MAD1L1: variants seen among roughly 807,000 people sequenced by gnomAD.
MAD1L1 encodes mitotic arrest deficient 1 like 1.
MAD1L1 carries 95 observed loss-of-function variants against 96.9 expected under a neutral mutation model. The ratio of observed to expected loss-of-function variants is 0.98; its 90% CI spans 0.83 to 1.16. MAD1L1 has a LOEUF of 1.16. MAD1L1 is among the 50% of genes most tolerant of loss of function. The probability of loss-of-function intolerance (pLI) is 0.00; values close to 1 mark genes in which losing one functional copy is unlikely to be tolerated. For missense variants in MAD1L1, 1,007 were observed against 954.4 expected (o/e 1.06, Z -0.73); for synonymous variants, 473 against 396.6 (o/e 1.19, Z -2.29).
intron 16 of MAD1L1, among the ~76,000 whole-genome samples, chr7:1,943,567 A>G (rs1401766370): frequency 6.6e-6 from 1 of 152,230 alleles, no homozygotes; most frequent in African/African-American, 2.4e-5. Context: ...AATCACAGCC[A>G]GGTATCACTT....
At chr7:1,949,568 C>T (rs999883638) in intron 16 of MAD1L1, among the ~76,000 whole-genome samples, 2 of 152,184 alleles carry the variant, frequency 1.3e-5, no homozygotes, top group African/African-American at 2.4e-5. Flanking sequence ...GTGGAGGCGG[C>T]GGGGAGGGGC....
In MAD1L1 at chr7:2,216,026, A is replaced by C; in HGVS notation, c.810-27T>G. The C allele has an allele frequency of 6.2e-7, 1 of 1,613,120 alleles. No individual in the cohort carries two copies. The highest frequency in any genetic ancestry group is 8.5e-7 in the Non-Finnish European group (1 of 1,179,312). ...TGGCAGTGCCACAAAGAGTCGCTCA[A>C]ATAGCCACACACCCTAGGGATAAGG... On this transcript the variant is annotated intron_variant, in intron 8 of 18. Coordinates refer to ENST00000265854, the MANE Select transcript of MAD1L1 (RefSeq NM_001013836.2).
intron 14 of MAD1L1, among the ~76,000 whole-genome samples, chr7:2,000,224 T>C (rs1243677363): frequency 6.6e-6 from 1 of 151,554 alleles, no homozygotes; most frequent in Admixed American, 6.6e-5. Context: ...GCCCTCACGC[T>C]CTCTACCTCA....
intron 16 of MAD1L1, among the ~76,000 whole-genome samples, chr7:1,945,531 C>T (rs571004177): frequency 3.9e-5 from 6 of 152,196 alleles, no homozygotes; most frequent in Non-Finnish European, 8.8e-5. Context: ...ACAGCCGCAA[C>T]CCAGGAGAAG....
At chr7:2,207,398 T>A (rs1330202609) in intron 10 of MAD1L1, among the ~76,000 whole-genome samples, 1 of 152,076 alleles carries the variant, frequency 6.6e-6, no homozygotes, top group East Asian at 1.9e-4. Flanking sequence ...GATTAGAGGG[T>A]TGGGACTTTG....
chr7:1,977,405 C>T (rs940679268), intron 15 of MAD1L1, among the ~76,000 whole-genome samples: 14 of 152,218 alleles, frequency 9.2e-5, no homozygotes, highest in Non-Finnish European at 1.8e-4. Flanking sequence ...GCCAGCTGCT[C>T]GGAGTGTGGG....
At position 1,963,420 on chromosome 7, in the gene MAD1L1, G is replaced by A. The variant is rs371300707; in HGVS notation, c.1506-5701C>T. On this transcript the variant is annotated intron_variant, in intron 15 of 18. Transcript: ENST00000265854. Reference sequence around the variant, plus strand: ...GAAAGCACGTCGGCGGGTTTGGGGTGGGGAGAGGAGGCAGGGAGGAGGGAT... The same window carrying A: ...GAAAGCACGTCGGCGGGTTTGGGGTAGGGAGAGGAGGCAGGGAGGAGGGAT... Among the ~76,000 whole-genome samples the A allele has an allele frequency of 1.1e-4, 16 of 152,316 alleles. 1 individual carries two copies. The highest frequency in any genetic ancestry group is 3.6e-4 in the African/African-American group (15 of 41,562).
At chr7:1,962,356 T>G (rs985677234) in intron 15 of MAD1L1, among the ~76,000 whole-genome samples, 1 of 152,246 alleles carries the variant, frequency 6.6e-6, no homozygotes, top group Non-Finnish European at 1.5e-5. Flanking sequence ...CCATTCAATC[T>G]CTTTTTCTTT....
intron 11 of MAD1L1, among the ~76,000 whole-genome samples, chr7:2,072,541 T>G (rs746751456): frequency 6.6e-6 from 1 of 152,222 alleles, no homozygotes; most frequent in African/African-American, 2.4e-5. Context: ...AAACTACTCA[T>G]GGGCCAATTT....
intron 18 of MAD1L1, among the ~76,000 whole-genome samples, chr7:1,825,382 C>T (rs1782336551): frequency 6.6e-6 from 1 of 152,246 alleles, no homozygotes; most frequent in Non-Finnish European, 1.5e-5. Flanking sequence ...TCATGGCTGG[C>T]ATCTTGGCTG....
intron 10 of MAD1L1, among the ~76,000 whole-genome samples, chr7:2,158,293 T>C (rs1332555225): frequency 6.6e-6 from 1 of 152,186 alleles, no homozygotes; most frequent in Admixed American, 6.5e-5. Context: ...TAGCAGATGT[T>C]GGGGCTCTAG....
At chr7:1,911,091 T>C (rs1787988535) in intron 17 of MAD1L1, among the ~76,000 whole-genome samples, 1 of 151,924 alleles carries the variant, frequency 6.6e-6, no homozygotes. Context: ...GTCTAAGTGC[T>C]ACTCCCACAG....
At chr7:2,043,745 G>T (rs763096525) in intron 12 of MAD1L1, among the ~76,000 whole-genome samples, 1 of 152,202 alleles carries the variant, frequency 6.6e-6, no homozygotes, top group Non-Finnish European at 1.5e-5. Flanking sequence ...ACCACCCCAG[G>T]CCTCCTGCCA....
Position 1,887,840 on chromosome 7 carries a change from G to A in MAD1L1, c.1998+10360C>T, listed in dbSNP as rs771676996. On this transcript the variant is annotated intron_variant, in intron 18 of 18. Coordinates refer to ENST00000265854, the MANE Select transcript of MAD1L1 (RefSeq NM_001013836.2). The stretch of plus-strand genomic sequence containing the variant: ...GTGTGCATGTGTGCATGTATGTGGC[G>A]TCCTGTGCGTGTGTGTGTGCACGTG... 1.3e-3 allele frequency among the ~76,000 whole-genome samples: 24 copies of A among 18,690 alleles called. No homozygotes were observed. The East Asian group carries it at 0.023, about 18-fold the overall frequency. The allele number at this position is 18,690 out of a possible 152,430, so 12.3% of individuals were successfully genotyped here.
chr7:2,047,980 G>A (rs1012954517), intron 12 of MAD1L1, among the ~76,000 whole-genome samples: 5 of 152,120 alleles, frequency 3.3e-5, no homozygotes, highest in African/African-American at 1.2e-4. Context: ...GATCACATGT[G>A]CACACAGAAC....
intron 17 of MAD1L1, among the ~76,000 whole-genome samples, chr7:1,899,041 C>G (rs61592117): frequency 6.6e-6 from 1 of 152,158 alleles, no homozygotes; most frequent in African/African-American, 2.4e-5. Context: ...TGCCAGCCAC[C>G]TCTGAGGTCA....
At chr7:2,111,538 TGATCCC>T (rs1787380482) in intron 11 of MAD1L1, among the ~76,000 whole-genome samples, 1 of 152,214 alleles carries the variant, frequency 6.6e-6, no homozygotes, top group Non-Finnish European at 1.5e-5. Flanking sequence ...AGCTTAGATT[TGATCCC>T]GATACGTGGG....
intron 18 of MAD1L1, among the ~76,000 whole-genome samples, chr7:1,890,766 C>A (rs1261380562): frequency 6.6e-6 from 1 of 152,200 alleles, no homozygotes; most frequent in African/African-American, 2.4e-5. Context: ...AAGGGGTGCT[C>A]ACGGGCCCCA....
intron 18 of MAD1L1, among the ~76,000 whole-genome samples, chr7:1,839,918 GCA>G (rs1298913730): frequency 6.6e-6 from 1 of 152,182 alleles, no homozygotes; most frequent in East Asian, 1.9e-4. Context: ...TAGGCATGGA[GCA>G]CAGACCCTGC....
Sources: gnomAD v4.1 joint callset for allele counts (sites outside exome capture counted in the v4.1 genomes callset) on GRCh38, gnomAD v4.1.1 for gene constraint, MANE v1.5 for transcripts, NCBI Gene and HGNC (gene_info 2026-07-23, HGNC 2026-07-21) for gene names.